Variants in CPEB3 observed in about 807,000 individuals in gnomAD.
CPEB3 encodes cytoplasmic polyadenylation element binding protein 3.
CPEB3 carries 20 observed loss-of-function variants against 67.2 expected under a neutral mutation model. That is an observed-to-expected ratio of 0.30 (90% confidence interval 0.21 to 0.43). The LOEUF is 0.43. CPEB3 is among the 20% of genes least tolerant of loss of function. The pLI is 1.00. For missense variants in CPEB3, 746 were observed against 968.6 expected, an observed-to-expected ratio of 0.77 and a Z score of 3.05; for synonymous variants, 376 against 393.1, an observed-to-expected ratio of 0.96 and a Z score of 0.51.
At chr10:92,183,958 T>C (rs533001805) in intron 3 of CPEB3, among the ~76,000 whole-genome samples, 3 of 152,322 alleles carry the variant, frequency 2.0e-5, no homozygotes, top group Non-Finnish European at 4.4e-5. Flanking sequence ...AACTACTTAG[T>C]TTCCCAAATG....
At chr10:92,277,490 T>C (rs1842044683) in intron 1 of CPEB3, among the ~76,000 whole-genome samples, 1 of 152,220 alleles carries the variant, frequency 6.6e-6, no homozygotes. Flanking sequence ...CCTGTTCCAC[T>C]GATCTAAATT....
At chr10:92,205,365 G>A (rs1409866346) in intron 2 of CPEB3, among the ~76,000 whole-genome samples, 1 of 151,822 alleles carries the variant, frequency 6.6e-6, no homozygotes, top group Non-Finnish European at 1.5e-5. Flanking sequence ...CTGTGCTGAT[G>A]AGTATCTCAT....
intron 4 of CPEB3, among the ~76,000 whole-genome samples, chr10:92,178,362 T>C (rs550012461): frequency 6.4e-4 from 98 of 152,186 alleles, no homozygotes; most frequent in Middle Eastern, 3.4e-3. Flanking sequence ...TTTCTCCACG[T>C]TGGCCAGGCT....
At chr10:92,158,354 T>C (rs551266126) in intron 4 of CPEB3, among the ~76,000 whole-genome samples, 5 of 152,346 alleles carry the variant, frequency 3.3e-5, no homozygotes, top group African/African-American at 4.8e-5. Context: ...TATTGGAGCC[T>C]ATTATCTATA....
At chr10:92,053,446 C>T (rs1346385972) in intron 9 of CPEB3, among the ~76,000 whole-genome samples, 2 of 152,008 alleles carry the variant, frequency 1.3e-5, no homozygotes, top group East Asian at 1.9e-4. Flanking sequence ...TCACTGCAAA[C>T]TCTGCCTCCC....
Position 92,177,302 on chromosome 10 carries a change from G to A in CPEB3, c.1222+3661C>T, listed in dbSNP as rs571231827. The stretch of plus-strand genomic sequence containing the variant: ...AGGAAAAAATATATTACCTGATTAA[G>A]TAGAAGGGGTATATTGCCTCAGAAC... On this transcript the variant is annotated intron_variant, in intron 4 of 9. Transcript: ENST00000265997. Among the ~76,000 whole-genome samples the A allele has an allele frequency of 3.3e-5, 5 of 152,316 alleles. No homozygotes were observed. In the South Asian group the frequency reaches 8.3e-4, roughly 25 times the overall value.
At chr10:92,105,088 A>G (rs1411097416) in intron 7 of CPEB3, among the ~76,000 whole-genome samples, 1 of 152,132 alleles carries the variant, frequency 6.6e-6, no homozygotes, top group Non-Finnish European at 1.5e-5. Flanking sequence ...TTAGACCAAG[A>G]ATTCAAGAAA....
chr10:92,283,667 A>G (rs1018041235), intron 1 of CPEB3, among the ~76,000 whole-genome samples: 1 of 151,716 alleles, frequency 6.6e-6, no homozygotes, highest in Non-Finnish European at 1.5e-5. Flanking sequence ...GAACCACTAC[A>G]AGTTAACTTC....
At chr10:92,052,497 T>G in intron 9 of CPEB3, 58 bp from the exon 10 acceptor site, 16 of 1,490,256 alleles carry the variant, frequency 1.1e-5, no homozygotes, top group Non-Finnish European at 1.4e-5. Context: ...CTTACATGTC[T>G]TGCTTTTGAG....
At chr10:92,175,877 C>T (rs578221435) in intron 4 of CPEB3, among the ~76,000 whole-genome samples, 2 of 152,058 alleles carry the variant, frequency 1.3e-5, no homozygotes, top group African/African-American at 4.8e-5. Flanking sequence ...ATTGCCTGAG[C>T]TCAAGAGTTC....
At chr10:92,275,569 C>T (rs1204275842) in intron 1 of CPEB3, among the ~76,000 whole-genome samples, 3 of 152,110 alleles carry the variant, frequency 2.0e-5, no homozygotes, top group East Asian at 3.8e-4. Flanking sequence ...TTAAAGTGTA[C>T]AATTCAGTGG....
chr10:92,058,008 G>A (rs1275532610), intron 9 of CPEB3, among the ~76,000 whole-genome samples: 1 of 152,110 alleles, frequency 6.6e-6, no homozygotes, highest in African/African-American at 2.4e-5. Context: ...AGACTACAAC[G>A]AATATCTAAT....
intron 9 of CPEB3, among the ~76,000 whole-genome samples, chr10:92,061,287 C>T (rs946246397): frequency 1.3e-5 from 2 of 151,776 alleles, no homozygotes; most frequent in African/African-American, 2.4e-5. Context: ...GGTGTGGTGG[C>T]GGGTGCCTGT....
chr10:92,129,038 C>T (rs758381631), intron 6 of CPEB3, among the ~76,000 whole-genome samples: 9 of 152,218 alleles, frequency 5.9e-5, no homozygotes, highest in Non-Finnish European at 1.2e-4. Flanking sequence ...GACACATGCA[C>T]ATGTGTGTTC....
rs544703253 is a variant in CPEB3, at chr10:92,244,100, G to A, written c.-11-3739C>T. Reference sequence around the variant, plus strand: ...GGTGGCTCATGCCTGTAATCCCAGCGCTTTGGGAGGCCGAGGAGGGCAGAT... The same window carrying A: ...GGTGGCTCATGCCTGTAATCCCAGCACTTTGGGAGGCCGAGGAGGGCAGAT... On this transcript the variant is annotated intron_variant, in intron 1 of 9. Coordinates refer to ENST00000265997, the MANE Select transcript of CPEB3 (RefSeq NM_014912.5). Among the ~76,000 whole-genome samples, 4 of 151,964 alleles carry A rather than the reference G, an allele frequency of 2.6e-5. No individual in the cohort carries two copies. In the South Asian group the frequency reaches 8.3e-4, roughly 32 times the overall value.
chr10:92,218,266 G>C (rs1368515346), intron 2 of CPEB3, among the ~76,000 whole-genome samples: 1 of 152,146 alleles, frequency 6.6e-6, no homozygotes, highest in East Asian at 1.9e-4. Flanking sequence ...AATTAGCCCA[G>C]AGTGGCGGCA....
At chr10:92,135,955 G>A (rs760601955) in intron 6 of CPEB3, among the ~76,000 whole-genome samples, 87 of 141,014 alleles carry the variant, frequency 6.2e-4, no homozygotes, top group Admixed American at 1.7e-3. Flanking sequence ...GGTGGGAATT[G>A]AACAATGAGA....
chr10:92,133,963 A>C (rs1178589265), intron 6 of CPEB3, among the ~76,000 whole-genome samples: 3 of 152,246 alleles, frequency 2.0e-5, no homozygotes, highest in Non-Finnish European at 2.9e-5. Context: ...GACAAAATTC[A>C]GCAGCCCTTC....
At chr10:92,097,183 C>T (rs1843919851) in intron 7 of CPEB3, among the ~76,000 whole-genome samples, 1 of 152,118 alleles carries the variant, frequency 6.6e-6, no homozygotes, top group Admixed American at 6.6e-5. Context: ...AGACTTTTTC[C>T]ATTTTTCAAG....
Sources: gnomAD v4.1 joint callset for allele counts (sites outside exome capture counted in the v4.1 genomes callset) on GRCh38, gnomAD v4.1.1 for gene constraint, MANE v1.5 for transcripts, NCBI Gene and HGNC (gene_info 2026-07-23, HGNC 2026-07-21) for gene names.